KIF1B: variants seen among roughly 807,000 people sequenced by gnomAD.
The protein encoded by KIF1B is kinesin family member 1B.
A neutral mutation model predicts 241.9 loss-of-function variants in KIF1B; 76 were observed. The ratio of observed to expected loss-of-function variants is 0.31; its 90% CI spans 0.26 to 0.38. KIF1B has a LOEUF of 0.38. Ranked by LOEUF, KIF1B falls within the 10% of genes least tolerant of loss-of-function variation. The pLI, the probability that KIF1B is intolerant of heterozygous loss-of-function variation, is 1.00. For missense variants in KIF1B, 1,622 were observed against 2,271.4 expected (o/e 0.71, Z 5.81); for synonymous variants, 750 against 796.7 (o/e 0.94, Z 0.99).
chr1:10,284,322 G>A (rs1470832441), intron 15 of KIF1B, among the ~76,000 whole-genome samples: 1 of 152,162 alleles, frequency 6.6e-6, no homozygotes, highest in African/African-American at 2.4e-5. Flanking sequence ...GGCCAAGGTG[G>A]GCGGATCATC....
At chr1:10,315,886 T>C (rs1210424258) in intron 22 of KIF1B, among the ~76,000 whole-genome samples, 1 of 151,058 alleles carries the variant, frequency 6.6e-6, no homozygotes, top group African/African-American at 2.5e-5. Flanking sequence ...TAAAACCCCC[T>C]CTCTATTAAA....
At chr1:10,217,401 A>G (rs116083592) in intron 1 of KIF1B, among the ~76,000 whole-genome samples, 2,738 of 142,898 alleles carry the variant, frequency 0.019, 41 homozygotes, top group Non-Finnish European at 0.028. Flanking sequence ...GTGCAGAGGC[A>G]CAATCTCCTG....
intron 2 of KIF1B, among the ~76,000 whole-genome samples, chr1:10,240,539 A>C (rs1023176539): frequency 5.3e-5 from 8 of 152,158 alleles, no homozygotes; most frequent in African/African-American, 1.9e-4. Flanking sequence ...GTGATCTAGA[A>C]GTGCCATCGT....
intron 2 of KIF1B, among the ~76,000 whole-genome samples, chr1:10,241,712 A>G (rs1647138873): frequency 6.6e-6 from 1 of 151,702 alleles, no homozygotes; most frequent in South Asian, 2.1e-4. Flanking sequence ...GCCTTTATAT[A>G]TGCATTTGTT....
At chr1:10,272,356 T>A in intron 9 of KIF1B, 50 bp downstream of exon 9, 1 of 1,079,564 alleles carries the variant, frequency 9.3e-7, no homozygotes, top group South Asian at 1.2e-5. Context: ...TCAGCAAATA[T>A]ACTTGATGAT....
intron 23 of KIF1B, 29 bp downstream of exon 23, chr1:10,320,165 TG>T: frequency 6.9e-7 from 1 of 1,458,024 alleles, no homozygotes; most frequent in South Asian, 1.1e-5. Flanking sequence ...AAGTTTCCTG[TG>T]TATATCTTTT....
intron 12 of KIF1B, among the ~76,000 whole-genome samples, chr1:10,277,079 CAAAA>C (rs1321482091): frequency 3.2e-5 from 3 of 94,776 alleles, no homozygotes; most frequent in East Asian, 6.1e-4. Flanking sequence ...GACTCCATCT[CAAAA>C]AAAAAAAAAA....
At chr1:10,299,664 A>T (rs1569759890) in intron 22 of KIF1B, among the ~76,000 whole-genome samples, 2 of 152,144 alleles carry the variant, frequency 1.3e-5, no homozygotes, top group African/African-American at 2.4e-5. Flanking sequence ...CAGGCTCATG[A>T]GTTTTCTATT....
chr1:10,320,464 G>A (rs1417824146), intron 23 of KIF1B, among the ~76,000 whole-genome samples: 1 of 152,188 alleles, frequency 6.6e-6, no homozygotes, highest in East Asian at 1.9e-4. Context: ...CAAATATAGA[G>A]CTGAATCTTT....
intron 17 of KIF1B, among the ~76,000 whole-genome samples, chr1:10,293,288 A>G (rs1650097479): frequency 6.6e-6 from 1 of 151,944 alleles, no homozygotes; most frequent in Admixed American, 6.6e-5. Context: ...ACTTAGGATT[A>G]TATAGATTTT....
intron 17 of KIF1B, among the ~76,000 whole-genome samples, chr1:10,294,013 T>C (rs1338170058): frequency 2.0e-5 from 3 of 152,214 alleles, no homozygotes; most frequent in African/African-American, 7.2e-5. Context: ...GTTCTTCAAC[T>C]ACAAAGGGGG....
intron 31 of KIF1B, among the ~76,000 whole-genome samples, chr1:10,338,766 A>C (rs1327866682): frequency 6.6e-6 from 1 of 152,220 alleles, no homozygotes; most frequent in Admixed American, 6.5e-5. Flanking sequence ...TGTGCCGGGA[A>C]GGTATGGCTG....
Position 10,379,831 on chromosome 1 carries a change from T to G in KIF1B, c.*3244T>G. On this transcript the variant is annotated 3_prime_UTR_variant, in exon 49 of 49. Transcript: ENST00000676179. Reference sequence around the variant, plus strand: ...TGCCCTCCTGGGAGTCAGTCAGCGCTCAGGCCAGGACTGTGCAGGGCCAGC... The same window carrying G: ...TGCCCTCCTGGGAGTCAGTCAGCGCGCAGGCCAGGACTGTGCAGGGCCAGC... The G allele has an allele frequency of 4.3e-6, 1 of 230,308 alleles. No individual in the cohort carries two copies. The highest frequency in any genetic ancestry group is 5.7e-5 in the Admixed American group (1 of 17,698). The allele number at this position is 230,308 out of a possible 1,614,324, so 14.3% of individuals were successfully genotyped here. A position where few individuals can be genotyped will look rare whatever the true frequency, so the allele number is the denominator to read the frequency against.
intron 1 of KIF1B, among the ~76,000 whole-genome samples, chr1:10,219,664 A>G (rs1340618342): frequency 6.6e-6 from 1 of 152,230 alleles, no homozygotes; most frequent in Non-Finnish European, 1.5e-5. Flanking sequence ...AGGCTGAGGC[A>G]GGAGAATCAC....
At chr1:10,259,201 ATTG>A (rs1647972137) in intron 4 of KIF1B, among the ~76,000 whole-genome samples, 1 of 121,854 alleles carries the variant, frequency 8.2e-6, no homozygotes, top group Non-Finnish European at 1.8e-5. Context: ...TTGATCCTTT[ATTG>A]TTTGGGAATG....
rs1235036925 is a variant in KIF1B, at chr1:10,308,458, T to G, written c.2115+11212T>G. 6 of 1,039,342 alleles carry G rather than the reference T, an allele frequency of 5.8e-6. No homozygotes were observed. In the African/African-American group the frequency reaches 8.4e-5, roughly 15 times the overall value. The allele number at this position is 1,039,342 out of a possible 1,614,324, so 64.4% of individuals were successfully genotyped here. A position where few individuals can be genotyped will look rare whatever the true frequency, so the allele number is the denominator to read the frequency against. ...TTGTTAATAAACTGTGGATTTCCCC[T>G]CTCAATTTCTTAAACAACAACAAAA... On this transcript the variant is annotated intron_variant, in intron 22 of 48. Transcript: ENST00000676179.
intron 38 of KIF1B, among the ~76,000 whole-genome samples, chr1:10,355,884 T>C (rs1638227918): frequency 6.6e-6 from 1 of 151,334 alleles, no homozygotes. Context: ...AGAAATATTT[T>C]ATATATATTT....
rs759204484 is a variant in KIF1B, at chr1:10,326,231, G to A, written c.2796G>A (p.Glu932=). The change falls in exon 27 of 49, where the codon GAG becomes GAA. Residue 932 remains glutamate (E), a synonymous_variant. Coordinates refer to ENST00000676179, the MANE Select transcript of KIF1B (RefSeq NM_001365951.3). The surrounding 1 kb of genome is among the most constrained non-coding windows in gnomAD (Gnocchi z 5.2). The part of the protein sequence containing the change: ...ELADEQQDEM[E]DFDDEAFVDD... ...CTGACGAGCAGCAAGATGAGATGGAGGATTTTGATGATGAGGCATTCGTGG... is the reference window on the plus strand; with the variant it reads ...CTGACGAGCAGCAAGATGAGATGGAAGATTTTGATGATGAGGCATTCGTGG... The A allele has an allele frequency of 2.5e-6, 4 of 1,614,206 alleles. No individual in the cohort carries two copies. In the East Asian group the frequency reaches 8.9e-5, roughly 36 times the overall value.
chr1:10,361,930 T>C (rs549432046), intron 40 of KIF1B, 105 bp downstream of exon 40: 10 of 1,387,574 alleles, frequency 7.2e-6, no homozygotes, highest in East Asian at 2.3e-5. Context: ...GTTTACAGTT[T>C]ATGAACCATT....
Sources: gnomAD v4.1 joint callset for allele counts (sites outside exome capture counted in the v4.1 genomes callset) on GRCh38, gnomAD v4.1.1 for gene constraint, Gnocchi (gnomAD v3.1) non-coding constraint, MANE v1.5 for transcripts, NCBI Gene and HGNC (gene_info 2026-07-23, HGNC 2026-07-21) for gene names.